The following KIF13B variants were observed in gnomAD, a reference collection of about 807,000 sequenced individuals.
KIF13B encodes the protein kinesin-like protein KIF13B.
A neutral mutation model predicts 222.0 loss-of-function variants in KIF13B; 127 were observed. That is an observed-to-expected ratio of 0.57 (90% CI 0.50 to 0.66). KIF13B has a LOEUF of 0.66. Ranked by LOEUF, KIF13B falls within the 30% of genes least tolerant of loss-of-function variation. KIF13B has a pLI of 0.00. For synonymous variants in KIF13B, 976 were observed against 919.0 expected (o/e 1.06, Z -1.12); for missense variants, 2,173 against 2,379.0 (o/e 0.91, Z 1.80).
intron 1 of KIF13B, among the ~76,000 whole-genome samples, chr8:29,254,622 G>T (rs1200858472): frequency 6.6e-6 from 1 of 152,192 alleles, no homozygotes; most frequent in East Asian, 1.9e-4. Flanking sequence ...ATACCCACTA[G>T]GATAGCAATA....
intron 35 of KIF13B, among the ~76,000 whole-genome samples, chr8:29,102,861 T>C (rs1165555396): frequency 6.6e-6 from 1 of 152,156 alleles, no homozygotes. Flanking sequence ...CTTAATTTCC[T>C]CAAAAACTCC....
intron 35 of KIF13B, among the ~76,000 whole-genome samples, chr8:29,104,564 C>T (rs1389730349): frequency 6.6e-6 from 1 of 152,174 alleles, no homozygotes; most frequent in Non-Finnish European, 1.5e-5. Flanking sequence ...CGGGGTGGGG[C>T]TCAGCTGGAC....
chr8:29,147,694 T>A, intron 16 of KIF13B, 92 bp from the exon 17 acceptor site: 1 of 927,954 alleles, frequency 1.1e-6, no homozygotes, highest in Non-Finnish European at 1.7e-6. Context: ...TCTGTCATCT[T>A]AACTATACCA....
At chr8:29,173,591 T>C (rs1176017285) in intron 10 of KIF13B, among the ~76,000 whole-genome samples, 7 of 151,378 alleles carry the variant, frequency 4.6e-5, no homozygotes, top group East Asian at 1.9e-4. Flanking sequence ...GACTGCACTC[T>C]AGCCTGGACA....
At position 29,092,805 on chromosome 8, in the gene KIF13B, C is replaced by T. The variant is rs1459242482; in HGVS notation, c.4398G>A (p.Lys1466=). The change falls in exon 37 of 40, where the codon AAG becomes AAA. Residue 1466 remains lysine (K), a synonymous_variant. Transcript: ENST00000524189. ...SFVPQMPKLL[K]SLFPVRDEKR... ...TCTCATCGCGGACGGGAAAGAGAGACTTGAGGAGCTTTGGCATTTGCGGCA... is the reference window on the plus strand; with the variant it reads ...TCTCATCGCGGACGGGAAAGAGAGATTTGAGGAGCTTTGGCATTTGCGGCA... The T allele has an allele frequency of 6.8e-6, 11 of 1,613,304 alleles. No homozygotes were observed. Among genetic ancestry groups the T allele is most frequent in the Admixed American group, 1.7e-5 (1 of 59,918 alleles).
intron 2 of KIF13B, among the ~76,000 whole-genome samples, chr8:29,234,945 C>A (rs1815442201): frequency 6.6e-6 from 1 of 152,092 alleles, no homozygotes; most frequent in African/African-American, 2.4e-5. Flanking sequence ...TTATACAAAA[C>A]CTGATTTTTA....
intron 27 of KIF13B, 109 bp from the exon 28 acceptor site, chr8:29,123,601 G>A (rs546296835): frequency 2.1e-6 from 3 of 1,402,662 alleles, no homozygotes; most frequent in South Asian, 1.3e-5. Flanking sequence ...GCTCACAAGT[G>A]CTCCCCAGTG....
At chr8:29,153,767 C>G (rs979862870) in intron 14 of KIF13B, among the ~76,000 whole-genome samples, 2 of 152,072 alleles carry the variant, frequency 1.3e-5, no homozygotes, top group African/African-American at 2.4e-5. Flanking sequence ...AGTCCTACAA[C>G]CTGGAGAAAG....
chr8:29,156,702 G>A (rs1053034210), intron 13 of KIF13B, among the ~76,000 whole-genome samples: 8 of 119,506 alleles, frequency 6.7e-5, no homozygotes, highest in Admixed American at 1.7e-4. Context: ...TTTTTTTTTT[G>A]TAGAGACAGG....
intron 3 of KIF13B, among the ~76,000 whole-genome samples, chr8:29,195,693 G>A (rs750916488): frequency 2.0e-5 from 3 of 152,184 alleles, no homozygotes; most frequent in Non-Finnish European, 4.4e-5. Context: ...CCCTTGAGGC[G>A]GCTGTGGCTG....
chr8:29,069,153 CT>C lies in KIF13B; in HGVS notation c.*1350del, dbSNP rs1437900735. ...TGGCTGTGTGAATCTTGACCCAGGACTCCTGTCCCTAGATTGGTGGCCTTCC... is the reference window on the plus strand; with the variant it reads ...TGGCTGTGTGAATCTTGACCCAGGACCCTGTCCCTAGATTGGTGGCCTTCC... On this transcript the variant is annotated 3_prime_UTR_variant, in exon 40 of 40. Coordinates refer to ENST00000524189, the MANE Select transcript of KIF13B (RefSeq NM_015254.4). The C allele has an allele frequency of 2.0e-5, 3 of 152,278 alleles. No homozygotes were observed. The highest frequency in any genetic ancestry group is 6.5e-5 in the Admixed American group (1 of 15,290). The allele number at this position is 152,278 out of a possible 1,614,324, so 9.4% of individuals were successfully genotyped here. A position where few individuals can be genotyped will look rare whatever the true frequency, so the allele number is the denominator to read the frequency against.
At chr8:29,163,701 AG>A (rs371644386) in intron 12 of KIF13B, among the ~76,000 whole-genome samples, 114 of 152,328 alleles carry the variant, frequency 7.5e-4, no homozygotes, top group African/African-American at 2.6e-3. Context: ...GAGCTCTGGA[AG>A]GTTAAGGCAT....
At chr8:29,086,512 C>T (rs984399205) in intron 37 of KIF13B, among the ~76,000 whole-genome samples, 3 of 152,154 alleles carry the variant, frequency 2.0e-5, no homozygotes, top group Non-Finnish European at 4.4e-5. Context: ...TAAGCAAGAC[C>T]TGGTCTCAAA....
chr8:29,131,937 C>T (rs1211677469), intron 23 of KIF13B, among the ~76,000 whole-genome samples: 1 of 152,150 alleles, frequency 6.6e-6, no homozygotes, highest in Non-Finnish European at 1.5e-5. Context: ...TAATCTCTAG[C>T]AATTTTTAAA....
At chr8:29,260,743 A>G (rs1165162253) in intron 1 of KIF13B, among the ~76,000 whole-genome samples, 1 of 151,610 alleles carries the variant, frequency 6.6e-6, no homozygotes, top group African/African-American at 2.4e-5. Context: ...CAGCCTCCTT[A>G]GTAGCTGGGA....
At chr8:29,262,785 A>AG (rs1250668125) in intron 1 of KIF13B, among the ~76,000 whole-genome samples, 195 bp downstream of exon 1, 2 of 136,316 alleles carry the variant, frequency 1.5e-5, no homozygotes, top group Non-Finnish European at 3.2e-5. Context: ...GGGGCTGGCC[A>AG]GGGGGGAAGG....
rs1563721172 is a variant in KIF13B, at chr8:29,123,951, T to G, written c.3352+73A>C. ...GTGTTCATCTGGTTCTTAACTGATGTGGCTACAAAGGGAGAATAATTAATT... is the reference window on the plus strand; with the variant it reads ...GTGTTCATCTGGTTCTTAACTGATGGGGCTACAAAGGGAGAATAATTAATT... On this transcript the variant is annotated intron_variant, in intron 27 of 39. Coordinates refer to ENST00000524189, the MANE Select transcript of KIF13B (RefSeq NM_015254.4). 3.3e-6 allele frequency: 3 copies of G among 900,346 alleles called. No homozygotes were observed. In the African/African-American group the frequency reaches 4.9e-5, roughly 15 times the overall value. The allele number at this position is 900,346 out of a possible 1,614,324, so 55.8% of individuals were successfully genotyped here.
intron 8 of KIF13B, among the ~76,000 whole-genome samples, chr8:29,177,914 A>T (rs1812550484): frequency 6.6e-6 from 1 of 152,214 alleles, no homozygotes; most frequent in South Asian, 2.1e-4. Flanking sequence ...GTCTCTTAAA[A>T]AACAATACAA....
rs1470737351 is a variant in KIF13B at position 29,146,533 on chromosome 8, T to C, written c.2032A>G (p.Thr678Ala). The change falls in exon 18 of 40, where the codon ACG becomes GCG. Residue 678 changes from threonine to alanine, a missense_variant. Transcript: ENST00000524189. ...AGCCTCATCAGGCTGTTATTCAACG[T>C]TGCTTCTCTAAAAAAAAATAAAGAA... The part of the protein sequence containing the change: ...LRQWAEEREA[T>A]LNNSLMRLRE... The C allele has an allele frequency of 3.1e-6, 5 of 1,612,834 alleles. No homozygotes were observed. The highest frequency in any genetic ancestry group is 1.1e-5 in the South Asian group (1 of 90,758).
Sources: gnomAD v4.1 joint callset for allele counts (sites outside exome capture counted in the v4.1 genomes callset) on GRCh38, gnomAD v4.1.1 for gene constraint, MANE v1.5 for transcripts, NCBI Gene and HGNC (gene_info 2026-07-23, HGNC 2026-07-21) for gene names.